APBB1IP: variants seen among roughly 807,000 people sequenced by gnomAD.
The protein encoded by APBB1IP is amyloid beta precursor protein binding family B member 1 interacting protein.
APBB1IP carries 27 observed loss-of-function variants against 64.9 expected under a neutral mutation model. The ratio of observed to expected loss-of-function variants is 0.42; its 90% confidence interval spans 0.31 to 0.57. APBB1IP has a LOEUF of 0.57. Among genes scored for constraint, APBB1IP ranks in the 20% least tolerant of loss-of-function variants. The probability of loss-of-function intolerance (pLI) is 0.20; values close to 1 mark genes in which losing one functional copy is unlikely to be tolerated. For missense variants in APBB1IP, 812 were observed against 845.5 expected, an observed-to-expected ratio of 0.96 and a Z score of 0.49; for synonymous variants, 392 against 331.0, an observed-to-expected ratio of 1.18 and a Z score of -2.00.
intron 4 of APBB1IP, among the ~76,000 whole-genome samples, 189 bp from the exon 5 acceptor site, chr10:26,500,630 G>T (rs2132437100): frequency 6.6e-6 from 1 of 152,250 alleles, no homozygotes; most frequent in East Asian, 1.9e-4. Flanking sequence ...TGCAACAAAT[G>T]CAGCAACAGT....
chr10:26,499,102 A>C (rs1013580665), intron 4 of APBB1IP, among the ~76,000 whole-genome samples: 1 of 151,952 alleles, frequency 6.6e-6, no homozygotes, highest in African/African-American at 2.4e-5. Flanking sequence ...CTGTCTCTAC[A>C]AAAAAATTAA....
At chr10:26,560,001 A>G in intron 11 of APBB1IP, 104 bp from the exon 12 acceptor site, 1 of 921,706 alleles carries the variant, frequency 1.1e-6, no homozygotes, top group Non-Finnish European at 1.8e-6. Context: ...TTGCCACATA[A>G]ATCACATATA....
At chr10:26,471,497 A>T (rs1409608857) in intron 2 of APBB1IP, among the ~76,000 whole-genome samples, 1 of 152,206 alleles carries the variant, frequency 6.6e-6, no homozygotes, top group Non-Finnish European at 1.5e-5. Context: ...AAATGCAGGA[A>T]AAGAATTAAA....
At chr10:26,553,162 C>T (rs1464897470) in intron 11 of APBB1IP, among the ~76,000 whole-genome samples, 3 of 152,028 alleles carry the variant, frequency 2.0e-5, no homozygotes, top group African/African-American at 7.2e-5. Flanking sequence ...GCTGGGATTA[C>T]AGGTGCCCGC....
Position 26,513,654 on chromosome 10 carries a change from C to T in APBB1IP, c.807C>T (p.Asn269=), listed in dbSNP as rs151148433. ...EKEEKYAVFK[N]PQNFYLDNRG... is the part of the protein sequence containing the mutation. ...AGGAGAAATATGCTGTATTTAAAAA[C>T]CCCCAGGTAAGATGATCTGCATATT... The change falls in exon 8 of 15, where the codon AAC becomes AAT. Residue 269 remains asparagine (N), a synonymous_variant. Coordinates refer to ENST00000376236, the MANE Select transcript of APBB1IP (RefSeq NM_019043.4). The T allele has an allele frequency of 8.6e-5, 139 of 1,608,666 alleles. No individual in the cohort carries two copies. The Middle Eastern group carries it at 1.3e-3, about 15-fold the overall frequency.
chr10:26,500,696 A>G (rs1387511103), intron 4 of APBB1IP, 123 bp from the exon 5 acceptor site: 9 of 922,158 alleles, frequency 9.8e-6, no homozygotes, highest in Non-Finnish European at 1.5e-5. Context: ...CAATCTTCTC[A>G]TATCATAACC....
chr10:26,519,724 C>T (rs1242231083), intron 8 of APBB1IP, among the ~76,000 whole-genome samples: 2 of 152,198 alleles, frequency 1.3e-5, no homozygotes, highest in Admixed American at 6.5e-5. Context: ...TATACATTCT[C>T]CTAATCTACA....
intron 2 of APBB1IP, among the ~76,000 whole-genome samples, chr10:26,459,822 G>C (rs552498223): frequency 5.9e-5 from 9 of 152,044 alleles, no homozygotes; most frequent in African/African-American, 2.2e-4. Flanking sequence ...CACATAACTA[G>C]TTTTCAACAA....
rs1222007229 is a variant in APBB1IP, at chr10:26,506,260, GGGT to G, written c.531+2989_531+2991del. ...ACTACCGTGTGTGTGTGGGGGGGGG[GGGT>G]GGGGGGCAAGGTCTTGCTCTGTCAC... is the stretch of plus-strand genomic sequence containing the variant. On this transcript the variant is annotated intron_variant, in intron 6 of 14. Transcript: ENST00000376236. Among the ~76,000 whole-genome samples the G allele has an allele frequency of 1.1e-3, 150 of 135,660 alleles. 3 individuals carry two copies. The highest frequency in any genetic ancestry group is 3.1e-3 in the African/African-American group (114 of 36,740). 89.0% of individuals were successfully genotyped at this position (135,660 alleles called of 152,430 possible). A position where few individuals can be genotyped will look rare whatever the true frequency, so the allele number is the denominator to read the frequency against.
intron 10 of APBB1IP, among the ~76,000 whole-genome samples, chr10:26,540,239 T>G (rs1392083947): frequency 6.6e-6 from 1 of 152,172 alleles, no homozygotes; most frequent in African/African-American, 2.4e-5. Flanking sequence ...ATGTCATATA[T>G]TAATTCATGT....
At chr10:26,452,366 A>T (rs1835474786) in intron 2 of APBB1IP, among the ~76,000 whole-genome samples, 1 of 152,228 alleles carries the variant, frequency 6.6e-6, no homozygotes, top group African/African-American at 2.4e-5. Flanking sequence ...AAAATACAAG[A>T]TGCCATGCCT....
intron 10 of APBB1IP, among the ~76,000 whole-genome samples, chr10:26,538,134 CTGTT>C (rs1836651199): frequency 6.6e-6 from 1 of 152,124 alleles, no homozygotes; most frequent in Non-Finnish European, 1.5e-5. Flanking sequence ...AACTGAAAAA[CTGTT>C]AGAACCAAAT....
chr10:26,443,296 T>C (rs1835356022), intron 2 of APBB1IP, among the ~76,000 whole-genome samples: 1 of 151,772 alleles, frequency 6.6e-6, no homozygotes, highest in South Asian at 2.1e-4. Context: ...TGGTGGTGCA[T>C]GCCTGTAATC....
chr10:26,460,856 C>T (rs1201464754), intron 2 of APBB1IP, among the ~76,000 whole-genome samples: 1 of 152,124 alleles, frequency 6.6e-6, no homozygotes, highest in Non-Finnish European at 1.5e-5. Context: ...GGGGTAAAAG[C>T]TCACTGCTGC....
intron 11 of APBB1IP, among the ~76,000 whole-genome samples, chr10:26,556,246 C>T (rs912009509): frequency 1.3e-5 from 2 of 152,208 alleles, no homozygotes; most frequent in Non-Finnish European, 2.9e-5. Flanking sequence ...CAGCAAAAGG[C>T]TCGGTTAGGC....
intron 2 of APBB1IP, among the ~76,000 whole-genome samples, chr10:26,450,690 C>CTT (rs10685344): frequency 0.69 from 96,088 of 138,776 alleles, 33,665 homozygotes; most frequent in Middle Eastern, 0.81. Flanking sequence ...AACTCAGATT[C>CTT]TTTTTTTTTT....
chr10:26,505,294 C>G (rs527897771), intron 6 of APBB1IP, among the ~76,000 whole-genome samples: 11 of 152,334 alleles, frequency 7.2e-5, no homozygotes, highest in Admixed American at 2.6e-4. Context: ...GGAGTCTTCC[C>G]AGATTAGTCT....
chr10:26,452,591 T>C (rs1287384297), intron 2 of APBB1IP, among the ~76,000 whole-genome samples: 1 of 152,246 alleles, frequency 6.6e-6, no homozygotes, highest in East Asian at 1.9e-4. Context: ...CACTATCTCA[T>C]AGAATTGTTT....
intron 3 of APBB1IP, among the ~76,000 whole-genome samples, chr10:26,493,421 A>G (rs1332770772): frequency 6.6e-6 from 1 of 152,184 alleles, no homozygotes; most frequent in African/African-American, 2.4e-5. Flanking sequence ...AATCTTCACA[A>G]TTTATGTTCA....
Sources: gnomAD v4.1 joint callset for allele counts (sites outside exome capture counted in the v4.1 genomes callset) on GRCh38, gnomAD v4.1.1 for gene constraint, MANE v1.5 for transcripts, NCBI Gene and HGNC (gene_info 2026-07-23, HGNC 2026-07-21) for gene names.